CAMTA1: variants seen among roughly 807,000 people sequenced by gnomAD.
CAMTA1 encodes calmodulin-binding transcription activator 1.
In CAMTA1, 27 loss-of-function variants were observed where a neutral mutation model predicts 170.9. The ratio of observed to expected loss-of-function variants is 0.16; its 90% confidence interval spans 0.12 to 0.22. The LOEUF is 0.22. CAMTA1 is among the 10% of genes least tolerant of loss of function. CAMTA1 has a pLI of 1.00. For missense variants in CAMTA1, 1,619 were observed against 2,217.2 expected, an observed-to-expected ratio of 0.73 and a Z score of 5.42; for synonymous variants, 833 against 891.5, an observed-to-expected ratio of 0.93 and a Z score of 1.17.
rs570782184 is a variant in CAMTA1 at position 6,993,509 on chromosome 1, T to A, written c.235-97795T>A. Among the ~76,000 whole-genome samples, 16 of 152,324 alleles carry A rather than the reference T, an allele frequency of 1.1e-4. No homozygotes were observed. The South Asian group carries it at 3.3e-3, about 32-fold the overall frequency. ...TGAGATAATAGGTCTATTTCTCTCT[T>A]TATTTCTGTCAATTTTTGCTTCTTG... is the stretch of plus-strand genomic sequence containing the variant. On this transcript the variant is annotated intron_variant, in intron 3 of 22. Transcript: ENST00000303635.
In CAMTA1 at chr1:7,736,275, T is replaced by C. The variant is rs2096771845; in HGVS notation, c.3067-69T>C. On this transcript the variant is annotated intron_variant, in intron 12 of 22. Coordinates refer to ENST00000303635, the MANE Select transcript of CAMTA1 (RefSeq NM_015215.4). This position sits in a 1 kb window ranked among gnomAD's most constrained non-coding sequence, Gnocchi z 4.5. ...CTAATCGTAAAGCATTTGTTTCCCC[T>C]ACATCGAAGCGCTGATGGGGTCGAG... The C allele has an allele frequency of 7.7e-7, 1 of 1,293,852 alleles. No individual in the cohort carries two copies. The highest frequency in any genetic ancestry group is 1.9e-4 in the Middle Eastern group (1 of 5,384). 80.1% of individuals were successfully genotyped at this position (1,293,852 alleles called of 1,614,324 possible).
intron 6 of CAMTA1, among the ~76,000 whole-genome samples, chr1:7,576,631 T>C (rs1003906781): frequency 2.0e-5 from 3 of 152,158 alleles, no homozygotes; most frequent in African/African-American, 7.2e-5. Flanking sequence ...TTCTGTTCTT[T>C]ATAAACCACC....
chr1:7,212,363 C>T (rs1193154335), intron 4 of CAMTA1, among the ~76,000 whole-genome samples: 1 of 152,050 alleles, frequency 6.6e-6, no homozygotes, highest in African/African-American at 2.4e-5. Flanking sequence ...GTGTCACTGC[C>T]CCCATCCCTC....
chr1:7,505,901 G>A (rs181546740), intron 6 of CAMTA1, among the ~76,000 whole-genome samples: 3 of 152,238 alleles, frequency 2.0e-5, no homozygotes, highest in African/African-American at 2.4e-5. Flanking sequence ...TCACCTGCAC[G>A]ACCTCACCTG....
At chr1:7,522,283 C>T (rs2094376033) in intron 6 of CAMTA1, among the ~76,000 whole-genome samples, 1 of 152,200 alleles carries the variant, frequency 6.6e-6, no homozygotes, top group Admixed American at 6.5e-5. Context: ...TACATGCCAT[C>T]TGTATATCAT....
intron 2 of CAMTA1, among the ~76,000 whole-genome samples, chr1:6,821,914 T>C (rs1238398850): frequency 6.6e-6 from 1 of 152,192 alleles, no homozygotes; most frequent in Non-Finnish European, 1.5e-5. Flanking sequence ...GTAGGTTGAC[T>C]AGAAAGGATG....
At chr1:7,628,295 T>C (rs2095646772) in intron 6 of CAMTA1, among the ~76,000 whole-genome samples, 2 of 152,224 alleles carry the variant, frequency 1.3e-5, no homozygotes, top group Non-Finnish European at 2.9e-5. Flanking sequence ...AGCCTAGTGA[T>C]TAGCACTGAT....
chr1:6,859,396 A>G (rs573202738), intron 3 of CAMTA1, among the ~76,000 whole-genome samples: 24 of 152,206 alleles, frequency 1.6e-4, no homozygotes, highest in Non-Finnish European at 2.8e-4. Flanking sequence ...GGTTGTCGTC[A>G]TATTTTGCTC....
At chr1:7,705,901 G>A (rs1264946037) in intron 11 of CAMTA1, among the ~76,000 whole-genome samples, 1 of 152,198 alleles carries the variant, frequency 6.6e-6, no homozygotes, top group Non-Finnish European at 1.5e-5. Flanking sequence ...GCGCAGATGG[G>A]CCAGGATAGA....
Position 7,063,368 on chromosome 1 carries a change from C to T in CAMTA1, c.235-27936C>T, listed in dbSNP as rs1218131714. ...GGGAGGTGTCATCTGCAGCGCTTTGCTTACCCGTTTGACCACGACACCACC... is the reference window on the plus strand; with the variant it reads ...GGGAGGTGTCATCTGCAGCGCTTTGTTTACCCGTTTGACCACGACACCACC... On this transcript the variant is annotated intron_variant, in intron 3 of 22. Transcript: ENST00000303635. This position sits in a 1 kb window ranked among gnomAD's most constrained non-coding sequence, Gnocchi z 4.3. Among the ~76,000 whole-genome samples, 1 of 152,192 alleles carries T rather than the reference C, an allele frequency of 6.6e-6. No homozygotes were observed. The highest frequency in any genetic ancestry group is 1.5e-5 in the Non-Finnish European group (1 of 68,032).
At chr1:7,487,636 G>A (rs1024153664) in intron 6 of CAMTA1, among the ~76,000 whole-genome samples, 3 of 152,130 alleles carry the variant, frequency 2.0e-5, no homozygotes, top group Non-Finnish European at 4.4e-5. Context: ...CTGAGGATGC[G>A]GTGTCTTCTC....
chr1:7,175,936 G>T (rs1650718221), intron 4 of CAMTA1, among the ~76,000 whole-genome samples: 1 of 152,172 alleles, frequency 6.6e-6, no homozygotes, highest in Non-Finnish European at 1.5e-5. Context: ...CTTGTCGGTG[G>T]TCCCTCACAT....
intron 3 of CAMTA1, among the ~76,000 whole-genome samples, chr1:7,045,976 CT>C (rs2101506936): frequency 6.6e-6 from 1 of 152,304 alleles, no homozygotes; most frequent in Admixed American, 6.5e-5. Flanking sequence ...TCTGCTGTTC[CT>C]TCCCAAACTG....
At chr1:7,353,962 GTGTGTAC>G (rs1292759534) in intron 5 of CAMTA1, among the ~76,000 whole-genome samples, 1 of 151,914 alleles carries the variant, frequency 6.6e-6, no homozygotes, top group Non-Finnish European at 1.5e-5. Context: ...CTTTGTGACC[GTGTGTAC>G]TCAGTGTCTG....
At position 7,340,544 on chromosome 1, in the gene CAMTA1, G is replaced by GCCTCCCTCCATCCCTC. The variant is rs772743867; in HGVS notation, c.438+90921_438+90922insCCCTCCATCCCTCCCT. 2.6e-4 allele frequency among the ~76,000 whole-genome samples: 27 copies of GCCTCCCTCCATCCCTC among 105,486 alleles called. No homozygotes were observed. In the East Asian group the frequency reaches 8.0e-3, roughly 31 times the overall value. 69.2% of individuals were successfully genotyped at this position (105,486 alleles called of 152,430 possible). The stretch of plus-strand genomic sequence containing the variant: ...TGAGCAGCTAATGTGCTGCCTGCCT[G>GCCTCCCTCCATCCCTC]CCTGCCTGCCTCCCTCCCTCCCTTC... On this transcript the variant is annotated intron_variant, in intron 5 of 22. Coordinates refer to ENST00000303635, the MANE Select transcript of CAMTA1 (RefSeq NM_015215.4).
At chr1:6,869,398 A>T (rs933914969) in intron 3 of CAMTA1, among the ~76,000 whole-genome samples, 1 of 152,208 alleles carries the variant, frequency 6.6e-6, no homozygotes, top group Non-Finnish European at 1.5e-5. Flanking sequence ...TCCTCTTTAC[A>T]GCATTATTTC....
Position 6,970,170 on chromosome 1 carries a change from T to C in CAMTA1, c.235-121134T>C, listed in dbSNP as rs1692274466. Among the ~76,000 whole-genome samples the C allele has an allele frequency of 6.6e-6, 1 of 152,226 alleles. No individual in the cohort carries two copies. The highest frequency in any genetic ancestry group is 2.4e-5 in the African/African-American group (1 of 41,454). On this transcript the variant is annotated intron_variant, in intron 3 of 22. Transcript: ENST00000303635. The surrounding 1 kb of genome is among the most constrained non-coding windows in gnomAD (Gnocchi z 4.4). ...TTTTTGTTATAAAATTATATAATAA[T>C]CTTCCAGAAATTGAGGGACATGGAA... is the stretch of plus-strand genomic sequence containing the variant.
chr1:7,330,423 C>T (rs891130696), intron 5 of CAMTA1, among the ~76,000 whole-genome samples: 2 of 152,140 alleles, frequency 1.3e-5, no homozygotes, highest in African/African-American at 4.8e-5. Context: ...CGGAGCTCCC[C>T]TAGCATCCTC....
At chr1:7,386,141 C>T (rs189883908) in intron 5 of CAMTA1, among the ~76,000 whole-genome samples, 1 of 152,350 alleles carries the variant, frequency 6.6e-6, no homozygotes, top group East Asian at 1.9e-4. Flanking sequence ...GCTGGAAGGC[C>T]ATCTGTTGTC....
Sources: allele counts gnomAD v4.1 joint callset (sites outside exome capture counted in the v4.1 genomes callset), GRCh38; gene constraint gnomAD v4.1.1; non-coding constraint Gnocchi (gnomAD v3.1); transcripts MANE v1.5; gene names NCBI Gene and HGNC (gene_info 2026-07-23, HGNC 2026-07-21).